CDC20B: variants seen among roughly 807,000 people sequenced by gnomAD.
The protein encoded by CDC20B is cell division cycle protein 20 homolog B.
A neutral mutation model predicts 64.1 loss-of-function variants in CDC20B; 58 were observed. The observed-to-expected ratio is 0.90, with a 90% CI of 0.73 to 1.13. CDC20B has a LOEUF of 1.13. Among genes scored for constraint, CDC20B ranks in the 50% most tolerant of loss-of-function variants. The pLI, the probability that CDC20B is intolerant of heterozygous loss-of-function variation, is 0.00. For missense variants in CDC20B, 597 were observed against 633.0 expected (o/e 0.94, Z 0.61); for synonymous variants, 243 against 230.6 (o/e 1.05, Z -0.49).
At chr5:55,151,705 A>G (rs955460693) in intron 2 of CDC20B, among the ~76,000 whole-genome samples, 6 of 152,172 alleles carry the variant, frequency 3.9e-5, no homozygotes, top group South Asian at 2.1e-4. Context: ...TTTCCCACTT[A>G]GGATGTTCAT....
intron 2 of CDC20B, among the ~76,000 whole-genome samples, chr5:55,158,743 A>G (rs907536152): frequency 1.3e-5 from 2 of 152,210 alleles, no homozygotes; most frequent in African/African-American, 4.8e-5. Context: ...AGCAGAATTG[A>G]AAGTGAATGG....
intron 2 of CDC20B, among the ~76,000 whole-genome samples, chr5:55,149,992 GC>G (rs1393767989): frequency 6.6e-6 from 1 of 152,086 alleles, no homozygotes; most frequent in African/African-American, 2.4e-5. Context: ...AAATTAGCCA[GC>G]CGTGGTGGCA....
rs773025490 is a variant in CDC20B at position 55,114,358 on chromosome 5, T to G, written c.1460-40A>C. 6.2e-7 allele frequency: 1 copy of G among 1,608,228 alleles called. No individual in the cohort carries two copies. Among genetic ancestry groups the G allele is most frequent in the Non-Finnish European group, 8.5e-7 (1 of 1,177,042 alleles). ...AAAGACAGTTCATACTCCTCCACGTTACATGGGCTGCTGCTCAGGACTGTA... is the reference window on the plus strand; with the variant it reads ...AAAGACAGTTCATACTCCTCCACGTGACATGGGCTGCTGCTCAGGACTGTA... On this transcript the variant is annotated intron_variant, in intron 11 of 11. Coordinates refer to ENST00000381375, the MANE Select transcript of CDC20B (RefSeq NM_001170402.1). The surrounding 1 kb of genome is among the most constrained non-coding windows in gnomAD (Gnocchi z 4.1).
chr5:55,153,450 A>C (rs1743727656), intron 2 of CDC20B, among the ~76,000 whole-genome samples: 1 of 152,142 alleles, frequency 6.6e-6, no homozygotes, highest in African/African-American at 2.4e-5. Flanking sequence ...TATGAGCAAA[A>C]CATGACAAAT....
At position 55,173,005 on chromosome 5, in the gene CDC20B, G is replaced by A. The variant is rs749594093; in HGVS notation, c.-5C>T. ...GCGCTCCAGTTTCCACTCCATCTCC[G>A]GCTGACTTCGCCCTGCCTGGCGTTT... On this transcript the variant is annotated 5_prime_UTR_variant, in exon 1 of 12. Coordinates refer to ENST00000381375, the MANE Select transcript of CDC20B (RefSeq NM_001170402.1). 4.2e-5 allele frequency: 67 copies of A among 1,609,528 alleles called. No individual in the cohort carries two copies. Among genetic ancestry groups the A allele is most frequent in the Non-Finnish European group, 4.8e-5 (57 of 1,178,188 alleles).
intron 2 of CDC20B, among the ~76,000 whole-genome samples, chr5:55,151,091 A>G (rs1300558310): frequency 1.3e-5 from 2 of 152,200 alleles, no homozygotes; most frequent in Non-Finnish European, 2.9e-5. Context: ...TCCGCTAAGA[A>G]AAAAACCGCA....
chr5:55,170,436 G>A (rs1023179349), intron 2 of CDC20B: 1 of 465,148 alleles, frequency 2.1e-6, no homozygotes, highest in Admixed American at 2.3e-5. Context: ...TAAGCTAATG[G>A]CAATAATATA....
intron 6 of CDC20B, among the ~76,000 whole-genome samples, chr5:55,132,002 G>A (rs552898620): frequency 1.1e-3 from 170 of 152,034 alleles, no homozygotes; most frequent in African/African-American, 3.8e-3. Context: ...CCCAGGAGGC[G>A]GAGGCTGCAG....
intron 2 of CDC20B, among the ~76,000 whole-genome samples, chr5:55,161,917 T>G (rs1744085903): frequency 6.6e-6 from 1 of 152,164 alleles, no homozygotes; most frequent in Non-Finnish European, 1.5e-5. Context: ...CCCTGCTCTT[T>G]TGTTTTTGCT....
chr5:55,131,304 C>A (rs935753789), intron 6 of CDC20B, among the ~76,000 whole-genome samples: 23 of 152,044 alleles, frequency 1.5e-4, no homozygotes, highest in Non-Finnish European at 1.8e-4. Flanking sequence ...ACATTGTAAT[C>A]CCTAGAAAAA....
At position 55,124,963 on chromosome 5, in the gene CDC20B, A is replaced by C. The variant is rs1276861625; in HGVS notation, c.1055T>G (p.Leu352Arg). 5.0e-6 allele frequency: 8 copies of C among 1,614,072 alleles called. No individual in the cohort carries two copies. Among genetic ancestry groups the C allele is most frequent in the Non-Finnish European group, 6.8e-6 (8 of 1,180,026 alleles). ...VRVAQHHVGTLRHKQAVCALK... is the reference protein window; with the variant it reads ...VRVAQHHVGTRRHKQAVCALK... ...AGCACACACAGCTTGCTTGTGGCGAAGTGTTCCAACATGATGCTGGGCTAC... is the reference window on the plus strand; with the variant it reads ...AGCACACACAGCTTGCTTGTGGCGACGTGTTCCAACATGATGCTGGGCTAC... The change falls in exon 9 of 12, where the codon CTT becomes CGT. Residue 352 changes from leucine to arginine, a missense_variant. This residue lies in a region of CDC20B where 353 missense variants were observed against 397.0 expected (regional missense o/e 0.89). Coordinates refer to ENST00000381375, the MANE Select transcript of CDC20B (RefSeq NM_001170402.1).
chr5:55,113,450 G>C lies in CDC20B; in HGVS notation c.*768C>G, dbSNP rs555410863. On this transcript the variant is annotated 3_prime_UTR_variant, in exon 12 of 12. Coordinates refer to ENST00000381375, the MANE Select transcript of CDC20B (RefSeq NM_001170402.1). The stretch of plus-strand genomic sequence containing the variant: ...TGTCCTTGAGAGTTGATGAGCAGGG[G>C]ACTGAGAGGATCAGCACAGGACTTT... 4 of 152,644 alleles carry C rather than the reference G, an allele frequency of 2.6e-5. No individual in the cohort carries two copies. In the East Asian group the frequency reaches 7.7e-4, roughly 29 times the overall value. The allele number at this position is 152,644 out of a possible 1,614,324, so 9.5% of individuals were successfully genotyped here.
At chr5:55,140,477 A>C (rs1445394857) in intron 4 of CDC20B, 70 bp from the exon 5 acceptor site, 1 of 1,013,242 alleles carries the variant, frequency 9.9e-7, no homozygotes, top group East Asian at 2.6e-5. Flanking sequence ...TGTAATGTAT[A>C]ATATAGAATT....
chr5:55,149,721 C>T (rs1030028871), intron 2 of CDC20B, among the ~76,000 whole-genome samples: 13 of 152,136 alleles, frequency 8.5e-5, no homozygotes, highest in East Asian at 1.9e-4. Flanking sequence ...AAATGGGGAG[C>T]AACTGCTTAA....
At chr5:55,116,874 T>C (rs1006009310) in intron 11 of CDC20B, among the ~76,000 whole-genome samples, 2 of 152,306 alleles carry the variant, frequency 1.3e-5, no homozygotes, top group Middle Eastern at 3.4e-3. Flanking sequence ...GTTAGGAAAA[T>C]GGCATTTGGA....
intron 5 of CDC20B, among the ~76,000 whole-genome samples, chr5:55,134,774 G>T (rs1180997790): frequency 6.6e-6 from 1 of 151,952 alleles, no homozygotes; most frequent in Admixed American, 6.6e-5. Context: ...AACCTTAAAT[G>T]CATATTACTA....
intron 2 of CDC20B, chr5:55,165,557 C>A (rs756356113): frequency 6.6e-6 from 1 of 152,172 alleles, no homozygotes; most frequent in Non-Finnish European, 1.5e-5. Flanking sequence ...GTTCTGTATA[C>A]GTATTTGGAC....
rs115462932 is a variant in CDC20B at position 55,141,313 on chromosome 5, G to C, written c.487-906C>G. On this transcript the variant is annotated intron_variant, in intron 4 of 11. Coordinates refer to ENST00000381375, the MANE Select transcript of CDC20B (RefSeq NM_001170402.1). ...CTTAACACTTTCTTTCTCTGGGCAC[G>C]AGCAAGCCAAGCTGTGTCCTGGCTC... 5.9e-3 allele frequency among the ~76,000 whole-genome samples: 892 copies of C among 152,262 alleles called. 12 individuals are homozygous for C. The highest frequency in any genetic ancestry group is 0.021 in the African/African-American group (852 of 41,556).
intron 6 of CDC20B, 54 bp from the exon 7 acceptor site, chr5:55,128,671 T>G: frequency 7.5e-7 from 1 of 1,338,148 alleles, no homozygotes; most frequent in Non-Finnish European, 1.0e-6. Context: ...TGAAAACATG[T>G]TCAAATAAAC....
Sources: allele counts gnomAD v4.1 joint callset (sites outside exome capture counted in the v4.1 genomes callset), GRCh38; gene constraint gnomAD v4.1.1; regional missense constraint gnomAD v4.1.1; non-coding constraint Gnocchi (gnomAD v3.1); transcripts MANE v1.5; gene names NCBI Gene and HGNC (gene_info 2026-07-23, HGNC 2026-07-21).